EML5: variants seen among roughly 807,000 people sequenced by gnomAD.
The protein encoded by EML5 is echinoderm microtubule-associated protein-like 5.
EML5 carries 120 observed loss-of-function variants against 250.0 expected under a neutral mutation model. That is an observed-to-expected ratio of 0.48 (90% CI 0.41 to 0.56). EML5 has a LOEUF of 0.56. Among genes scored for constraint, EML5 ranks in the 20% least tolerant of loss-of-function variants. The pLI is 0.00. For synonymous variants in EML5, 771 were observed against 806.5 expected (o/e 0.96, Z 0.75); for missense variants, 2,006 against 2,437.6 (o/e 0.82, Z 3.73).
At chr14:88,639,519 T>C (rs563854237) in intron 31 of EML5, among the ~76,000 whole-genome samples, 2 of 152,298 alleles carry the variant, frequency 1.3e-5, no homozygotes, top group Non-Finnish European at 2.9e-5. Context: ...CATTTAATAA[T>C]TTGGGCCATA....
intron 36 of EML5, chr14:88,623,152 A>G (rs1488605248): frequency 6.6e-6 from 1 of 152,212 alleles, no homozygotes; most frequent in Admixed American, 6.6e-5. Flanking sequence ...AGTAGCTAGC[A>G]TTACAGGTGT....
At chr14:88,736,317 T>C (rs2140199725) in intron 7 of EML5, 47 bp downstream of exon 7, 1 of 1,599,972 alleles carries the variant, frequency 6.3e-7, no homozygotes, top group East Asian at 2.2e-5. Context: ...TTTATGTTTA[T>C]CTAAGGATAC....
At chr14:88,746,818 C>G (rs1460913379) in intron 2 of EML5, among the ~76,000 whole-genome samples, 2 of 152,080 alleles carry the variant, frequency 1.3e-5, no homozygotes, top group African/African-American at 4.8e-5. Context: ...CTCTCGGAAA[C>G]AACAAATAAC....
chr14:88,681,903 C>T lies in EML5; in HGVS notation c.3111G>A (p.Arg1037=). 6.2e-7 allele frequency: 1 copy of T among 1,606,920 alleles called. No individual in the cohort carries two copies. Among genetic ancestry groups the T allele is most frequent in the Non-Finnish European group, 8.5e-7 (1 of 1,177,260 alleles). ...LSPSHCMLAV[R]KLKKGGRCCC... Reference sequence around the variant, plus strand: ...AGAGCCTCTTACCCTTTTTCAGCTTCCGGACAGCCAACATACAATGACTAG... The same window carrying T: ...AGAGCCTCTTACCCTTTTTCAGCTTTCGGACAGCCAACATACAATGACTAG... The change falls in exon 21 of 44, where the codon CGG becomes CGA. Residue 1037 remains arginine (R), a synonymous_variant. Transcript: ENST00000554922.
intron 18 of EML5, among the ~76,000 whole-genome samples, 155 bp downstream of exon 18, chr14:88,688,116 G>C (rs565037069): frequency 2.1e-4 from 32 of 152,238 alleles, no homozygotes; most frequent in African/African-American, 7.5e-4. Context: ...TCGGGAGTTT[G>C]AAAAGAGAAA....
intron 21 of EML5, among the ~76,000 whole-genome samples, chr14:88,677,533 A>C (rs2092623092): frequency 6.6e-6 from 1 of 152,260 alleles, no homozygotes; most frequent in Admixed American, 6.5e-5. Context: ...GAATGGGAGA[A>C]AATTTTTTGC....
Position 88,616,873 on chromosome 14 carries a change from T to C in EML5, c.5649A>G (p.Leu1883=). Residue 1883 remains leucine (L), a synonymous_variant, in exon 42 of 44, where the codon CTA becomes CTG. Coordinates refer to ENST00000554922, the MANE Select transcript of EML5 (RefSeq NM_183387.3). ...ACCAGATTCCCAAAACCTCATCTCCTAGAATACTAGAGGGAAGGAACAAAA... is the reference window on the plus strand; with the variant it reads ...ACCAGATTCCCAAAACCTCATCTCCCAGAATACTAGAGGGAAGGAACAAAA... ...RITWATWTSI[L]GDEVLGIWSR... The C allele has an allele frequency of 6.2e-7, 1 of 1,613,546 alleles. No homozygotes were observed. The highest frequency in any genetic ancestry group is 8.5e-7 in the Non-Finnish European group (1 of 1,179,672).
chr14:88,703,380 T>A (rs2093255292), intron 13 of EML5, among the ~76,000 whole-genome samples: 1 of 152,176 alleles, frequency 6.6e-6, no homozygotes, highest in Admixed American at 6.5e-5. Flanking sequence ...TGTACCCTTT[T>A]ATACACATTG....
In EML5 at chr14:88,744,697, C is replaced by T. The variant is rs73327339; in HGVS notation, c.457-606G>A. Reference sequence around the variant, plus strand: ...GCAAAAACCCAGGTGAAATAAAATACGAATGAGAAATGTAATTAAACAAAT... The same window carrying T: ...GCAAAAACCCAGGTGAAATAAAATATGAATGAGAAATGTAATTAAACAAAT... On this transcript the variant is annotated intron_variant, in intron 3 of 43. Coordinates refer to ENST00000554922, the MANE Select transcript of EML5 (RefSeq NM_183387.3). Among the ~76,000 whole-genome samples, 237 of 151,792 alleles carry T rather than the reference C, an allele frequency of 1.6e-3. 2 individuals are homozygous for T. The highest frequency in any genetic ancestry group is 5.2e-3 in the African/African-American group (217 of 41,440).
chr14:88,653,938 G>C (rs1324152403), intron 27 of EML5, among the ~76,000 whole-genome samples: 1 of 151,968 alleles, frequency 6.6e-6, no homozygotes, highest in African/African-American at 2.4e-5. Flanking sequence ...TTGGTTGGTA[G>C]GCTATTAATT....
At chr14:88,776,528 G>T (rs1263975780) in intron 1 of EML5, among the ~76,000 whole-genome samples, 2 of 151,854 alleles carry the variant, frequency 1.3e-5, no homozygotes, top group Non-Finnish European at 2.9e-5. Context: ...GCAGAAGAAA[G>T]AATTAGTGAG....
intron 8 of EML5, among the ~76,000 whole-genome samples, chr14:88,723,757 G>A (rs1161702818): frequency 6.6e-6 from 1 of 151,810 alleles, no homozygotes; most frequent in East Asian, 1.9e-4. Flanking sequence ...GAAGCTGGGG[G>A]GACACAAAAA....
chr14:88,747,642 C>T (rs1454714268), intron 2 of EML5, among the ~76,000 whole-genome samples: 1 of 151,920 alleles, frequency 6.6e-6, no homozygotes, highest in Non-Finnish European at 1.5e-5. Context: ...TGTATATGAG[C>T]AAAGAATACG....
At chr14:88,665,131 C>T in intron 22 of EML5, among the ~76,000 whole-genome samples, 1 of 152,160 alleles carries the variant, frequency 6.6e-6, no homozygotes, top group East Asian at 1.9e-4. Context: ...GCTCAAGTCA[C>T]ACAGAAAATT....
At chr14:88,646,841 GAA>G (rs1487210840) in intron 29 of EML5, 104 bp downstream of exon 29, 2 of 1,180,392 alleles carry the variant, frequency 1.7e-6, no homozygotes, top group African/African-American at 3.1e-5. Context: ...GCAAAACTGT[GAA>G]GAGAGGTAAA....
At chr14:88,676,325 A>T (rs1236120732) in intron 21 of EML5, among the ~76,000 whole-genome samples, 2 of 152,254 alleles carry the variant, frequency 1.3e-5, no homozygotes, top group Non-Finnish European at 2.9e-5. Context: ...TCATGGCAGA[A>T]GCCAAAGGAG....
intron 2 of EML5, among the ~76,000 whole-genome samples, chr14:88,752,706 C>G (rs1310243322): frequency 6.6e-6 from 1 of 152,194 alleles, no homozygotes; most frequent in Non-Finnish European, 1.5e-5. Context: ...AACATGCACT[C>G]CTGTTTTCCC....
intron 14 of EML5, among the ~76,000 whole-genome samples, chr14:88,700,509 C>T (rs1009096860): frequency 6.6e-6 from 1 of 152,070 alleles, no homozygotes; most frequent in Non-Finnish European, 1.5e-5. Flanking sequence ...GAAAAATTTC[C>T]AATCAAGGAA....
rs1429191881 is a variant in EML5, at chr14:88,621,271, C to T, written c.5044G>A (p.Glu1682Lys). 1 of 1,613,888 alleles carries T rather than the reference C, an allele frequency of 6.2e-7. No individual in the cohort carries two copies. Among genetic ancestry groups the T allele is most frequent in the Admixed American group, 1.7e-5 (1 of 60,012 alleles). ...TTTTTCTCTCCAACTTCGATTATTTCAGCATTCCTTGTCCCAACAAGGATC... is the reference window on the plus strand; with the variant it reads ...TTTTTCTCTCCAACTTCGATTATTTTAGCATTCCTTGTCCCAACAAGGATC... The part of the protein sequence containing the change: ...GKILVGTRNA[E>K]IIEVGEKNAA... The change falls in exon 38 of 44, where the codon GAA (glutamate) becomes AAA (lysine). Residue 1682 changes from glutamate to lysine, a missense_variant. Transcript: ENST00000554922.
Sources: allele counts gnomAD v4.1 joint callset (sites outside exome capture counted in the v4.1 genomes callset), GRCh38; gene constraint gnomAD v4.1.1; transcripts MANE v1.5; gene names NCBI Gene and HGNC (gene_info 2026-07-23, HGNC 2026-07-21).